Variants in MYRFL observed in about 807,000 individuals in gnomAD.
MYRFL encodes myelin regulatory factor-like protein.
In MYRFL, 88 loss-of-function variants were observed where a neutral mutation model predicts 109.4. The observed-to-expected ratio is 0.80, with a 90% confidence interval of 0.68 to 0.96. MYRFL has a LOEUF of 0.96. MYRFL is among the 40% of genes least tolerant of loss of function. MYRFL has a pLI of 0.00. For missense variants in MYRFL, 957 were observed against 954.9 expected (o/e 1.00, Z -0.03); for synonymous variants, 324 against 320.9 (o/e 1.01, Z -0.10).
chr12:69,883,706 TA>T (rs59904690), intron 5 of MYRFL, among the ~76,000 whole-genome samples: 41,414 of 125,362 alleles, frequency 0.33, 6,545 homozygotes, highest in African/African-American at 0.38. Flanking sequence ...CTACAAAAAG[TA>T]AAAAAAAAAA....
chr12:69,868,386 T>A (rs984749380), intron 2 of MYRFL, among the ~76,000 whole-genome samples: 1 of 152,148 alleles, frequency 6.6e-6, no homozygotes, highest in African/African-American at 2.4e-5. Flanking sequence ...GTGCTGGGAT[T>A]ACGGGCATGA....
rs1317656859 is a variant in MYRFL at position 69,895,451 on chromosome 12, G to A, written c.1061G>A (p.Arg354Lys). The change falls in exon 9 of 25, where the codon AGA (arginine) becomes AAA (lysine). Residue 354 changes from arginine (R) to lysine (K), a missense_variant. Physicochemically the swap from Arg to Lys is conservative, Grantham distance 26. Coordinates refer to ENST00000552032, the MANE Select transcript of MYRFL (RefSeq NM_182530.3). ...HFSETTANNM[R>K]KKGKPNPDQR... is the part of the protein sequence containing the mutation. ...AGCGAAACCACAGCAAATAATATGA[G>A]AAAAAAGGGAAAACCAAATCCAGAC... The A allele has an allele frequency of 6.5e-7, 1 of 1,535,422 alleles. No individual in the cohort carries two copies. The highest frequency in any genetic ancestry group is 2.4e-5 in the East Asian group (1 of 40,898).
rs1236346773 is a variant in MYRFL, at chr12:69,891,686, G to GTTCT, written c.903+523_903+524insTTTC. On this transcript the variant is annotated intron_variant, in intron 7 of 24. Transcript: ENST00000552032. ...CTTTCTTTCTTTCTTTCTTTCTTTC[G>GTTCT]TTCGTTCGTTCTTTCTTTCTTTTTT... Among the ~76,000 whole-genome samples the GTTCT allele has an allele frequency of 3.8e-3, 256 of 67,802 alleles. 11 individuals carry two copies. The highest frequency in any genetic ancestry group is 0.011 in the African/African-American group (200 of 19,000). 44.5% of individuals were successfully genotyped at this position (67,802 alleles called of 152,430 possible). A position where few individuals can be genotyped will look rare whatever the true frequency, so the allele number is the denominator to read the frequency against.
chr12:69,936,750 G>T (rs781207334), intron 19 of MYRFL, 118 bp downstream of exon 19: 143 of 930,094 alleles, frequency 1.5e-4, no homozygotes, highest in Non-Finnish European at 2.1e-4. Context: ...TTCTATTTGG[G>T]GTGGCAAAAT....
intron 1 of MYRFL, among the ~76,000 whole-genome samples, chr12:69,853,805 C>A (rs1235980104): frequency 6.8e-6 from 1 of 147,530 alleles, no homozygotes; most frequent in Non-Finnish European, 1.5e-5. Flanking sequence ...CAGGCAGAGA[C>A]GCTCCTCACT....
intron 2 of MYRFL, among the ~76,000 whole-genome samples, chr12:69,859,156 T>A (rs1884485027): frequency 6.6e-6 from 1 of 152,108 alleles, no homozygotes; most frequent in African/African-American, 2.4e-5. Context: ...GTTTGGAAAT[T>A]TTCCATATAT....
At chr12:69,939,050 G>A (rs950509301) in intron 19 of MYRFL, among the ~76,000 whole-genome samples, 1 of 152,186 alleles carries the variant, frequency 6.6e-6, no homozygotes, top group African/African-American at 2.4e-5. Context: ...CTACCCCATG[G>A]AGTCTCGCTG....
intron 2 of MYRFL, among the ~76,000 whole-genome samples, chr12:69,867,649 T>C (rs763387206): frequency 2.0e-5 from 3 of 152,226 alleles, no homozygotes; most frequent in Non-Finnish European, 2.9e-5. Flanking sequence ...AACTTAGGAC[T>C]TGGCTTATTG....
intron 2 of MYRFL, among the ~76,000 whole-genome samples, chr12:69,871,848 A>G (rs1456082529): frequency 3.3e-5 from 5 of 152,192 alleles, no homozygotes; most frequent in African/African-American, 1.2e-4. Context: ...AAAAGAGCTG[A>G]AAATTTTTCT....
At chr12:69,829,056 T>C (rs556254466) in intron 1 of MYRFL, among the ~76,000 whole-genome samples, 1 of 152,082 alleles carries the variant, frequency 6.6e-6, no homozygotes, top group South Asian at 2.1e-4. Flanking sequence ...TGGGAAAAAC[T>C]ACATACTAAG....
chr12:69,870,660 A>G (rs1885301294), intron 2 of MYRFL, among the ~76,000 whole-genome samples: 2 of 152,204 alleles, frequency 1.3e-5, no homozygotes, highest in Admixed American at 6.5e-5. Flanking sequence ...CTCCCTTCAA[A>G]TTCTCTGAAA....
At chr12:69,833,084 C>T (rs1488370002) in intron 1 of MYRFL, among the ~76,000 whole-genome samples, 1 of 150,960 alleles carries the variant, frequency 6.6e-6, no homozygotes, top group Non-Finnish European at 1.5e-5. Flanking sequence ...AATTTGAAAC[C>T]CAAGGAAGGA....
At chr12:69,828,912 A>G (rs1882451405) in intron 1 of MYRFL, among the ~76,000 whole-genome samples, 1 of 152,160 alleles carries the variant, frequency 6.6e-6, no homozygotes, top group Non-Finnish European at 1.5e-5. Flanking sequence ...TAATCTCGAA[A>G]GAACAAATTT....
intron 5 of MYRFL, among the ~76,000 whole-genome samples, chr12:69,880,612 C>G (rs989195606): frequency 6.6e-6 from 1 of 152,226 alleles, no homozygotes; most frequent in Non-Finnish European, 1.5e-5. Context: ...CCTTCAAGAG[C>G]CTGCTGGTGT....
At position 69,850,772 on chromosome 12, in the gene MYRFL, C is replaced by T. The variant is rs142188118; in HGVS notation, c.47-4508C>T. ...TCTAAATCCTATATTTACATGAATT[C>T]GCTCTTCATCCATGGTTGTTTTTCA... On this transcript the variant is annotated intron_variant, in intron 1 of 24. Transcript: ENST00000552032. Among the ~76,000 whole-genome samples the T allele has an allele frequency of 2.7e-3, 418 of 152,070 alleles. 5 individuals are homozygous for T. The highest frequency in any genetic ancestry group is 9.7e-3 in the African/African-American group (401 of 41,436).
chr12:69,854,143 G>A (rs1027632844), intron 1 of MYRFL, among the ~76,000 whole-genome samples: 1 of 152,312 alleles, frequency 6.6e-6, no homozygotes, highest in Non-Finnish European at 1.5e-5. Flanking sequence ...TCAGGAGCTG[G>A]AGACCAGTCC....
chr12:69,895,490 G>A lies in MYRFL; in HGVS notation c.1091+9G>A, dbSNP rs1953959401. 7.2e-6 allele frequency: 11 copies of A among 1,533,046 alleles called. No homozygotes were observed. The highest frequency in any genetic ancestry group is 8.7e-6 in the Non-Finnish European group (10 of 1,144,178). 95.0% of individuals were successfully genotyped at this position (1,533,046 alleles called of 1,614,324 possible). A position where few individuals can be genotyped will look rare whatever the true frequency, so the allele number is the denominator to read the frequency against. On this transcript the variant is annotated intron_variant, in intron 9 of 24. Transcript: ENST00000552032. The stretch of plus-strand genomic sequence containing the variant: ...CCAAATCCAGACCAGAGGTACTGAT[G>A]TCACTGTGTGCATGGCAGTGTGGCT...
rs145846441 is a variant in MYRFL, at chr12:69,828,775, C to G, written c.46+3212C>G. Among the ~76,000 whole-genome samples, 71 of 152,176 alleles carry G rather than the reference C, an allele frequency of 4.7e-4. 1 individual carries two copies. The East Asian group carries it at 0.013, about 27-fold the overall frequency. ...CCATTCCTCACTTTACTTCATTTAT[C>G]TTTGATAGCTATAATCTTAGACTCT... On this transcript the variant is annotated intron_variant, in intron 1 of 24. Transcript: ENST00000552032.
chr12:69,893,880 TG>T (rs1887059590), intron 8 of MYRFL, 40 bp downstream of exon 8: 1 of 952,188 alleles, frequency 1.1e-6, no homozygotes, highest in Admixed American at 3.5e-5. Flanking sequence ...GAATGTTTTG[TG>T]AATAAACACC....
Sources: allele counts gnomAD v4.1 joint callset (sites outside exome capture counted in the v4.1 genomes callset), GRCh38; gene constraint gnomAD v4.1.1; transcripts MANE v1.5; gene names NCBI Gene and HGNC (gene_info 2026-07-23, HGNC 2026-07-21).